PARD6B: variants seen among roughly 807,000 people sequenced by gnomAD.
PARD6B encodes the protein par-6 family cell polarity regulator beta, also known as partitioning defective 6 homolog beta.
PARD6B carries 4 observed loss-of-function variants against 10.5 expected under a neutral mutation model. That is an observed-to-expected ratio of 0.38 (90% confidence interval 0.19 to 0.87). The LOEUF (loss-of-function observed/expected upper bound fraction) is 0.87. Ranked by LOEUF, PARD6B falls within the 40% of genes least tolerant of loss-of-function variation. The pLI, the probability that PARD6B is intolerant of heterozygous loss-of-function variation, is 0.41. For synonymous variants in PARD6B, 169 were observed against 170.4 expected (o/e 0.99, Z 0.07); for missense variants, 396 against 470.6 (o/e 0.84, Z 1.47).
intron 1 of PARD6B, among the ~76,000 whole-genome samples, chr20:50,733,200 A>G (rs1289051296): frequency 6.6e-6 from 1 of 152,212 alleles, no homozygotes; most frequent in African/African-American, 2.4e-5. Context: ...CGGGTGGATC[A>G]CCTGAGGTCA....
At position 50,738,067 on chromosome 20, in the gene PARD6B, A is replaced by ACT; in HGVS notation, c.277_278insCT (p.Ile93ThrfsTer18). Reference sequence around the variant, plus strand: ...GGCCAATCCACTGCTTAGGATATTTATACAAAAGAAGGGTAAGTATCACTG... The same window carrying ACT: ...GGCCAATCCACTGCTTAGGATATTTACTTACAAAAGAAGGGTAAGTATCACTG... On this transcript the variant is annotated frameshift_variant, in exon 2 of 3. Transcript: ENST00000371610. LOFTEE classifies it low-confidence loss of function (END_TRUNC). 1 of 1,598,932 alleles carries ACT rather than the reference A, an allele frequency of 6.3e-7. No homozygotes were observed. Among genetic ancestry groups the ACT allele is most frequent in the Non-Finnish European group, 8.5e-7 (1 of 1,172,688 alleles).
chr20:50,732,054 C>G (rs577326285), intron 1 of PARD6B, among the ~76,000 whole-genome samples: 1 of 152,332 alleles, frequency 6.6e-6, no homozygotes, highest in African/African-American at 2.4e-5. Context: ...GCCCCTGGCC[C>G]GGGCAGGAAG....
rs748680610 is a variant in PARD6B, at chr20:50,750,250, A to G, written c.881A>G (p.Asp294Gly). 2.5e-6 allele frequency: 4 copies of G among 1,614,230 alleles called. No individual in the cohort carries two copies. The South Asian group carries it at 3.3e-5, about 13-fold the overall frequency. ...CCAGAGGATGAAGACAGCGAAGAAGATGACATTATCATTGAAGACAATGGA... is the reference window on the plus strand; with the variant it reads ...CCAGAGGATGAAGACAGCGAAGAAGGTGACATTATCATTGAAGACAATGGA... ...FEPEDEDSEEDDIIIEDNGVP... is the reference protein window; with the variant it reads ...FEPEDEDSEEGDIIIEDNGVP... The change falls in exon 3 of 3, where the codon GAT becomes GGT. Residue 294 changes from aspartate (D) to glycine (G), a missense_variant. Physicochemically the swap from Asp to Gly is moderately conservative, Grantham distance 94. Around this residue, in one of 2 missense-constraint regions of PARD6B, gnomAD observed 188 missense variants for 169.7 expected, o/e 1.11. Coordinates refer to ENST00000371610, the MANE Select transcript of PARD6B (RefSeq NM_032521.3).
chr20:50,741,872 G>A (rs2123703178), intron 2 of PARD6B, among the ~76,000 whole-genome samples: 1 of 152,206 alleles, frequency 6.6e-6, no homozygotes, highest in Admixed American at 6.5e-5. Context: ...GCAAAGTTGA[G>A]CAGATGCTTA....
In PARD6B at chr20:50,752,663, T is replaced by G; in HGVS notation, c.*2175T>G. 1 of 978,250 alleles carries G rather than the reference T, an allele frequency of 1.0e-6. No individual in the cohort carries two copies. The highest frequency in any genetic ancestry group is 1.2e-6 in the Non-Finnish European group (1 of 822,978). 60.6% of individuals were successfully genotyped at this position (978,250 alleles called of 1,614,324 possible). On this transcript the variant is annotated 3_prime_UTR_variant, in exon 3 of 3. Transcript: ENST00000371610. ...TTATGGTAGGGCTAGTATGAATACC[T>G]TTTTAACAATTGTGTGCTATTACAA...
rs143199204 is a variant in PARD6B at position 50,750,148 on chromosome 20, G to A, written c.779G>A (p.Arg260Gln). 2.4e-4 allele frequency: 391 copies of A among 1,614,174 alleles called. No individual in the cohort carries two copies. In the African/African-American group the frequency reaches 3.2e-3, roughly 13 times the overall value. Residue 260 changes from arginine to glutamine, a missense_variant, in exon 3 of 3, where the codon CGG becomes CAG. Arg to Gln is a conservative substitution (Grantham distance 43). Coordinates refer to ENST00000371610, the MANE Select transcript of PARD6B (RefSeq NM_032521.3). Reference protein sequence around the residue: ...NQRNNVVRNSRTSGSSGQSTD... With the variant: ...NQRNNVVRNSQTSGSSGQSTD... ...AGGAATAATGTTGTGAGGAACAGTCGGACTTCTGGCAGTTCCGGTCAGTCT... is the reference window on the plus strand; with the variant it reads ...AGGAATAATGTTGTGAGGAACAGTCAGACTTCTGGCAGTTCCGGTCAGTCT...
At chr20:50,742,530 T>TA (rs1332501422) in intron 2 of PARD6B, among the ~76,000 whole-genome samples, 1 of 151,758 alleles carries the variant, frequency 6.6e-6, no homozygotes, top group African/African-American at 2.4e-5. Context: ...CATGCCCGGC[T>TA]AATTTTTGTG....
chr20:50,736,965 T>A (rs2087502808), intron 1 of PARD6B, among the ~76,000 whole-genome samples: 1 of 152,238 alleles, frequency 6.6e-6, no homozygotes, highest in Non-Finnish European at 1.5e-5. Context: ...CTCAAAGTGC[T>A]GGGATTACAG....
rs2087533264 is a variant in PARD6B, at chr20:50,741,988, A to C, written c.289+3909A>C. 2.6e-5 allele frequency among the ~76,000 whole-genome samples: 4 copies of C among 152,208 alleles called. No individual in the cohort carries two copies. In the South Asian group the frequency reaches 8.3e-4, roughly 32 times the overall value. On this transcript the variant is annotated intron_variant, in intron 2 of 2. Coordinates refer to ENST00000371610, the MANE Select transcript of PARD6B (RefSeq NM_032521.3). ...ACATTTTACTGCTTGATTACAGCAC[A>C]TTTTCTGTTTGCTTTTTGATTTCAG...
chr20:50,741,625 G>T (rs183763122), intron 2 of PARD6B, among the ~76,000 whole-genome samples: 27 of 151,266 alleles, frequency 1.8e-4, no homozygotes, highest in African/African-American at 6.5e-4. Context: ...GCGCGATCTC[G>T]GCTCACTGCA....
At position 50,753,337 on chromosome 20, in the gene PARD6B, G is replaced by A. The variant is rs2087625559; in HGVS notation, c.*2849G>A. ...TATATTGTAAAACCAATAGATCCTG[G>A]TTATACGATAAAATATCAGCTCATT... is the stretch of plus-strand genomic sequence containing the variant. On this transcript the variant is annotated 3_prime_UTR_variant, in exon 3 of 3. Transcript: ENST00000371610. 6 of 985,104 alleles carry A rather than the reference G, an allele frequency of 6.1e-6. No homozygotes were observed. The South Asian group carries it at 2.4e-4, about 39-fold the overall frequency. 61.0% of individuals were successfully genotyped at this position (985,104 alleles called of 1,614,324 possible).
In PARD6B at chr20:50,750,131, T is replaced by C; in HGVS notation, c.762T>C (p.Asn254=). ...TGAGACCGGCAAACCAGAGGAATAA[T>C]GTTGTGAGGAACAGTCGGACTTCTG... ...ITVRPANQRN[N]VVRNSRTSGS... The change falls in exon 3 of 3, where the codon AAT becomes AAC. Residue 254 remains asparagine (N), a synonymous_variant. Transcript: ENST00000371610. 6.2e-7 allele frequency: 1 copy of C among 1,614,128 alleles called. No homozygotes were observed. Among genetic ancestry groups the C allele is most frequent in the Non-Finnish European group, 8.5e-7 (1 of 1,179,996 alleles).
intron 2 of PARD6B, among the ~76,000 whole-genome samples, chr20:50,741,930 G>T (rs1388238208): frequency 6.6e-6 from 1 of 152,098 alleles, no homozygotes; most frequent in Non-Finnish European, 1.5e-5. Flanking sequence ...TTAATTCAAG[G>T]AACTAATATA....
intron 1 of PARD6B, among the ~76,000 whole-genome samples, chr20:50,733,977 C>G (rs1175356627): frequency 2.6e-5 from 4 of 152,316 alleles, no homozygotes; most frequent in East Asian, 1.9e-4. Flanking sequence ...TCACTTACTT[C>G]TGTCTAAACT....
Position 50,753,045 on chromosome 20 carries a change from A to C in PARD6B, c.*2557A>C, listed in dbSNP as rs2087622868. On this transcript the variant is annotated 3_prime_UTR_variant, in exon 3 of 3. Coordinates refer to ENST00000371610, the MANE Select transcript of PARD6B (RefSeq NM_032521.3). ...AGTGGTGCAGGGGTTCAACATTTTA[A>C]GTAAAAATATTTTTACACACTACCT... 1 of 973,696 alleles carries C rather than the reference A, an allele frequency of 1.0e-6. No individual in the cohort carries two copies. The highest frequency in any genetic ancestry group is 1.8e-5 in the African/African-American group (1 of 54,436). 60.3% of individuals were successfully genotyped at this position (973,696 alleles called of 1,614,324 possible).
intron 2 of PARD6B, among the ~76,000 whole-genome samples, chr20:50,746,709 T>G (rs1035853574): frequency 6.6e-6 from 1 of 152,226 alleles, no homozygotes; most frequent in Non-Finnish European, 1.5e-5. Flanking sequence ...AGCATTCAAA[T>G]GGAGTCTGGA....
Position 50,749,745 on chromosome 20 carries a change from A to C in PARD6B, c.376A>C (p.Arg126=), listed in dbSNP as rs779931031. ...CAACGTATTGCGTCCTGACAACCAT[A>C]GAAAAAAGCCACATATAGTCATTAG... ...LTNVLRPDNH[R]KKPHIVISMP... The change falls in exon 3 of 3, where the codon AGA becomes CGA. Residue 126 remains arginine, a synonymous_variant. Coordinates refer to ENST00000371610, the MANE Select transcript of PARD6B (RefSeq NM_032521.3). 3 of 1,614,180 alleles carry C rather than the reference A, an allele frequency of 1.9e-6. No homozygotes were observed. The highest frequency in any genetic ancestry group is 2.5e-6 in the Non-Finnish European group (3 of 1,180,030).
intron 2 of PARD6B, among the ~76,000 whole-genome samples, chr20:50,746,017 G>A (rs2087565929): frequency 6.6e-6 from 1 of 151,600 alleles, no homozygotes; most frequent in Non-Finnish European, 1.5e-5. Flanking sequence ...GTACTATAAT[G>A]GTTGCTGTTT....
In PARD6B at chr20:50,751,796, G is replaced by T; in HGVS notation, c.*1308G>T. ...TGCAGTGGTGCAATCTCAGCTCCCGGGTTCAAGCAATTCTCCTGCCTCAGC... is the reference window on the plus strand; with the variant it reads ...TGCAGTGGTGCAATCTCAGCTCCCGTGTTCAAGCAATTCTCCTGCCTCAGC... On this transcript the variant is annotated 3_prime_UTR_variant, in exon 3 of 3. Coordinates refer to ENST00000371610, the MANE Select transcript of PARD6B (RefSeq NM_032521.3). 1 of 952,906 alleles carries T rather than the reference G, an allele frequency of 1.0e-6. No individual in the cohort carries two copies. The highest frequency in any genetic ancestry group is 1.2e-6 in the Non-Finnish European group (1 of 803,350). 59.0% of individuals were successfully genotyped at this position (952,906 alleles called of 1,614,324 possible). A position where few individuals can be genotyped will look rare whatever the true frequency, so the allele number is the denominator to read the frequency against.
Sources: gnomAD v4.1 joint callset for allele counts (sites outside exome capture counted in the v4.1 genomes callset) on GRCh38, gnomAD v4.1.1 for gene constraint, gnomAD v4.1.1 regional missense constraint, MANE v1.5 for transcripts, NCBI Gene and HGNC (gene_info 2026-07-23, HGNC 2026-07-21) for gene names.